The following EFTUD2 variants were observed in gnomAD, a reference collection of about 807,000 sequenced individuals.
EFTUD2 encodes the protein elongation factor Tu GTP binding domain containing 2, also known as 116 kDa U5 small nuclear ribonucleoprotein component.
EFTUD2 carries 9 observed loss-of-function variants against 114.3 expected under a neutral mutation model. The observed-to-expected ratio is 0.08, with a 90% CI of 0.05 to 0.14. EFTUD2 has a LOEUF of 0.14. Ranked by LOEUF, EFTUD2 falls within the 10% of genes least tolerant of loss-of-function variation. The pLI is 1.00. For synonymous variants in EFTUD2, 449 were observed against 462.3 expected (o/e 0.97, Z 0.37); for missense variants, 765 against 1,241.2 (o/e 0.62, Z 5.76).
At chr17:44,857,285 C>G (rs1368828044) in intron 19 of EFTUD2, 128 bp from the exon 20 acceptor site, 10 of 729,646 alleles carry the variant, frequency 1.4e-5, no homozygotes, top group Non-Finnish European at 2.4e-5. Flanking sequence ...TTAATCAGCA[C>G]AAGTGATAAG....
rs2050502567 is a variant in EFTUD2 at position 44,854,017 on chromosome 17, AC to A, written c.2347+251del. 7.3e-6 allele frequency: 10 copies of A among 1,364,130 alleles called. 1 individual carries two copies. In the South Asian group the frequency reaches 1.7e-4, roughly 23 times the overall value. The allele number at this position is 1,364,130 out of a possible 1,614,324, so 84.5% of individuals were successfully genotyped here. A position where few individuals can be genotyped will look rare whatever the true frequency, so the allele number is the denominator to read the frequency against. ...ATCCTCTTGATATCTCTTCTCAAAT[AC>A]GTCCAACGCCAAACCCTTCTCAGAA... On this transcript the variant is annotated intron_variant, in intron 23 of 27. Transcript: ENST00000426333. This position sits in a 1 kb window ranked among gnomAD's most constrained non-coding sequence, Gnocchi z 4.3.
intron 17 of EFTUD2, 77 bp downstream of exon 17, chr17:44,860,355 A>G: frequency 9.9e-7 from 1 of 1,010,668 alleles, no homozygotes; most frequent in Middle Eastern, 2.1e-4. Context: ...ACTGTGGATT[A>G]GTCCCGTTTG....
chr17:44,889,569 C>T (rs150361587), intron 2 of EFTUD2, among the ~76,000 whole-genome samples: 1,838 of 152,214 alleles, frequency 0.012, 19 homozygotes, highest in Non-Finnish European at 0.016. Context: ...GAAACATGAA[C>T]AAATCATTCG....
intron 19 of EFTUD2, among the ~76,000 whole-genome samples, 184 bp downstream of exon 19, chr17:44,858,896 C>T (rs1414629679): frequency 2.0e-5 from 3 of 152,030 alleles, no homozygotes; most frequent in Non-Finnish European, 4.4e-5. Context: ...TGATTTTAAA[C>T]GTATGACACA....
chr17:44,885,711 A>G (rs1008236629), intron 3 of EFTUD2, among the ~76,000 whole-genome samples: 72 of 152,222 alleles, frequency 4.7e-4, no homozygotes, highest in Non-Finnish European at 9.7e-4. Flanking sequence ...CCCAGGCTGA[A>G]GCGTACAAAT....
At chr17:44,865,434 T>C (rs2050728620) in intron 13 of EFTUD2, among the ~76,000 whole-genome samples, 1 of 151,968 alleles carries the variant, frequency 6.6e-6, no homozygotes, top group Non-Finnish European at 1.5e-5. Flanking sequence ...CATTGTGCAC[T>C]GGAAGGAACC....
At chr17:44,868,197 T>C in intron 12 of EFTUD2, 90 bp downstream of exon 12, 2 of 1,224,208 alleles carry the variant, frequency 1.6e-6, no homozygotes, top group Non-Finnish European at 2.2e-6. Context: ...AAAGTAGGTA[T>C]TTAATCTTTG....
At chr17:44,853,113 T>C (rs1393991692) in intron 25 of EFTUD2, among the ~76,000 whole-genome samples, 183 bp downstream of exon 25, 1 of 152,096 alleles carries the variant, frequency 6.6e-6, no homozygotes, top group African/African-American at 2.4e-5. Context: ...TGTCAAATTT[T>C]AATCTGCAGA....
At position 44,853,352 on chromosome 17, in the gene EFTUD2, C is replaced by T. The variant is rs762449344; in HGVS notation, c.2505G>A (p.Glu835=). Residue 835 remains glutamate (E), a synonymous_variant, in exon 25 of 28, where the codon GAG becomes GAA. Transcript: ENST00000426333. ...AGACGCAATCTGCAGGGGCCTGGAC[C>T]TCTACAAAGTAGTAAGGCTCCATCA... is the stretch of plus-strand genomic sequence containing the variant. ...PRLMEPYYFV[E]VQAPADCVSA... 6.2e-7 allele frequency: 1 copy of T among 1,614,146 alleles called. No homozygotes were observed. The highest frequency in any genetic ancestry group is 8.5e-7 in the Non-Finnish European group (1 of 1,179,998).
At chr17:44,879,226 C>T (rs1371654234) in intron 9 of EFTUD2, among the ~76,000 whole-genome samples, 4 of 152,092 alleles carry the variant, frequency 2.6e-5, no homozygotes, top group Non-Finnish European at 5.9e-5. Flanking sequence ...GCTGGGATTA[C>T]AGGCATGGGT....
chr17:44,876,140 G>T, intron 9 of EFTUD2, 40 bp from the exon 10 acceptor site: 1 of 1,582,010 alleles, frequency 6.3e-7, no homozygotes, highest in Non-Finnish European at 8.6e-7. Flanking sequence ...AGAAGAACAA[G>T]GAGGGCAGAA....
At chr17:44,889,985 A>G (rs1416841517) in intron 2 of EFTUD2, among the ~76,000 whole-genome samples, 2 of 152,154 alleles carry the variant, frequency 1.3e-5, no homozygotes, top group Non-Finnish European at 2.9e-5. Flanking sequence ...ATATTCTTTT[A>G]TCATTGCTTT....
At chr17:44,875,400 G>C (rs1043127152) in intron 10 of EFTUD2, among the ~76,000 whole-genome samples, 3 of 151,894 alleles carry the variant, frequency 2.0e-5, no homozygotes, top group Non-Finnish European at 4.4e-5. Context: ...CGTGGTGACG[G>C]GTGCCTGTAG....
intron 25 of EFTUD2, 60 bp from the exon 26 acceptor site, chr17:44,852,622 A>G: frequency 6.3e-7 from 1 of 1,585,552 alleles, no homozygotes; most frequent in Non-Finnish European, 8.6e-7. Context: ...GCCAAGAAGC[A>G]ATCCAGCATT....
intron 14 of EFTUD2, among the ~76,000 whole-genome samples, chr17:44,864,242 C>T (rs1419065816): frequency 6.6e-6 from 1 of 152,176 alleles, no homozygotes; most frequent in Non-Finnish European, 1.5e-5. Context: ...CATGAGCACA[C>T]TGGGATAGGC....
intron 1 of EFTUD2, among the ~76,000 whole-genome samples, chr17:44,896,583 G>A (rs760922251): frequency 5.9e-5 from 9 of 152,176 alleles, no homozygotes; most frequent in Non-Finnish European, 1.2e-4. Context: ...GGAGGCAGAG[G>A]TTGCAGTGAG....
intron 10 of EFTUD2, among the ~76,000 whole-genome samples, chr17:44,875,120 C>A (rs1447420035): frequency 6.6e-6 from 1 of 152,036 alleles, no homozygotes; most frequent in Non-Finnish European, 1.5e-5. Flanking sequence ...AATGCTAGCA[C>A]TTTGGAAGGC....
At chr17:44,897,167 G>A (rs146726634) in intron 1 of EFTUD2, among the ~76,000 whole-genome samples, 1 of 137,594 alleles carries the variant, frequency 7.3e-6, no homozygotes, top group African/African-American at 2.8e-5. Flanking sequence ...AGTGAGCGGA[G>A]ACAGCGCCAC....
intron 13 of EFTUD2, 159 bp from the exon 14 acceptor site, chr17:44,865,224 G>C: frequency 9.7e-7 from 1 of 1,029,020 alleles, no homozygotes; most frequent in Non-Finnish European, 1.4e-6. Context: ...TGGTTTCAGC[G>C]GCATCTCTGC....
Sources: allele counts gnomAD v4.1 joint callset (sites outside exome capture counted in the v4.1 genomes callset), GRCh38; gene constraint gnomAD v4.1.1; non-coding constraint Gnocchi (gnomAD v3.1); transcripts MANE v1.5; gene names NCBI Gene and HGNC (gene_info 2026-07-23, HGNC 2026-07-21).